Variants in CTNNA2 observed in about 807,000 individuals in gnomAD.
CTNNA2 encodes catenin alpha 2, also known as catenin alpha-2.
A neutral mutation model predicts 101.0 loss-of-function variants in CTNNA2; 42 were observed. The ratio of observed to expected loss-of-function variants is 0.42; its 90% confidence interval spans 0.32 to 0.54. CTNNA2 has a LOEUF of 0.54. Among genes scored for constraint, CTNNA2 ranks in the 20% least tolerant of loss-of-function variants. The pLI is 0.14. For missense variants in CTNNA2, 871 were observed against 1,223.1 expected, an observed-to-expected ratio of 0.71 and a Z score of 4.29; for synonymous variants, 450 against 456.4, an observed-to-expected ratio of 0.99 and a Z score of 0.18.
chr2:79,950,870 T>C (rs1688832274), intron 7 of CTNNA2, among the ~76,000 whole-genome samples: 1 of 152,148 alleles, frequency 6.6e-6, no homozygotes, highest in Admixed American at 6.5e-5. Flanking sequence ...GGTGTTTGGG[T>C]TGCACTGCGC....
chr2:80,078,790 C>T (rs1317536956), intron 7 of CTNNA2, among the ~76,000 whole-genome samples: 1 of 152,128 alleles, frequency 6.6e-6, no homozygotes, highest in African/African-American at 2.4e-5. Flanking sequence ...ATTTGGTGCT[C>T]AGCCCTTACC....
At chr2:80,339,523 C>CA (rs1381667369) in intron 7 of CTNNA2, among the ~76,000 whole-genome samples, 1 of 152,274 alleles carries the variant, frequency 6.6e-6, no homozygotes, top group East Asian at 1.9e-4. Flanking sequence ...AATCTTATCC[C>CA]AGCTATGCAG....
At chr2:80,271,262 G>T (rs1673445484) in intron 7 of CTNNA2, among the ~76,000 whole-genome samples, 1 of 152,166 alleles carries the variant, frequency 6.6e-6, no homozygotes, top group African/African-American at 2.4e-5. Context: ...TGGTGATAGT[G>T]ATATTAGGTT....
At chr2:80,402,816 A>C (rs1429591446) in intron 8 of CTNNA2, among the ~76,000 whole-genome samples, 1 of 148,142 alleles carries the variant, frequency 6.8e-6, no homozygotes, top group Non-Finnish European at 1.5e-5. Context: ...ATATAATTCT[A>C]TATATTTATA....
At chr2:80,263,945 G>T (rs1030845548) in intron 7 of CTNNA2, among the ~76,000 whole-genome samples, 1 of 152,112 alleles carries the variant, frequency 6.6e-6, no homozygotes, top group Admixed American at 6.5e-5. Flanking sequence ...CCATACTTAG[G>T]CTTATTAAAG....
intron 7 of CTNNA2, among the ~76,000 whole-genome samples, chr2:80,263,164 C>A (rs1672746360): frequency 6.6e-6 from 1 of 152,084 alleles, no homozygotes; most frequent in Non-Finnish European, 1.5e-5. Context: ...GATGTCCTTA[C>A]TGATTTTTAT....
intron 2 of CTNNA2, among the ~76,000 whole-genome samples, chr2:79,249,024 C>T (rs764526329): frequency 3.9e-5 from 6 of 152,170 alleles, no homozygotes; most frequent in Non-Finnish European, 7.3e-5. Flanking sequence ...GTTAATTTCA[C>T]AGGCTTTGGA....
chr2:80,584,037 G>A (rs1695761447), intron 14 of CTNNA2, among the ~76,000 whole-genome samples: 1 of 152,098 alleles, frequency 6.6e-6, no homozygotes, highest in Admixed American at 6.5e-5. Context: ...ATTATATGAT[G>A]ACAAATCAGA....
intron 9 of CTNNA2, among the ~76,000 whole-genome samples, chr2:80,534,428 G>A (rs935495371): frequency 6.6e-6 from 1 of 152,186 alleles, no homozygotes; most frequent in Non-Finnish European, 1.5e-5. Context: ...TCCTATGTAT[G>A]ACTAAGTTAT....
intron 7 of CTNNA2, among the ~76,000 whole-genome samples, chr2:80,030,167 G>A (rs181159859): frequency 6.0e-5 from 9 of 151,140 alleles, no homozygotes; most frequent in Non-Finnish European, 1.2e-4. Flanking sequence ...AAGATCTTCA[G>A]TTAATCATCT....
At chr2:79,787,034 C>G (rs1674897755) in intron 3 of CTNNA2, among the ~76,000 whole-genome samples, 2 of 152,058 alleles carry the variant, frequency 1.3e-5, no homozygotes, top group South Asian at 4.1e-4. Context: ...TCACTCATTC[C>G]TGCCTCTGTG....
At chr2:80,623,078 A>G (rs960176299) in intron 18 of CTNNA2, among the ~76,000 whole-genome samples, 1 of 149,610 alleles carries the variant, frequency 6.7e-6, no homozygotes, top group Non-Finnish European at 1.5e-5. Flanking sequence ...GTTCAAGCAG[A>G]AGTTAGATTA....
intron 9 of CTNNA2, among the ~76,000 whole-genome samples, chr2:80,426,893 C>A (rs1181216142): frequency 6.6e-6 from 1 of 152,038 alleles, no homozygotes; most frequent in Non-Finnish European, 1.5e-5. Context: ...AGGCATTGTT[C>A]AGCTTTCAGC....
intron 8 of CTNNA2, among the ~76,000 whole-genome samples, chr2:80,418,846 ATTTGGGCTTG>A (rs1237600818): frequency 6.6e-6 from 1 of 152,204 alleles, no homozygotes; most frequent in Non-Finnish European, 1.5e-5. Context: ...TTGTTAGAAG[ATTTGGGCTTG>A]TTTATTCTCA....
At chr2:80,288,729 A>AT (rs2149173645) in intron 7 of CTNNA2, 1 of 152,292 alleles carries the variant, frequency 6.6e-6, no homozygotes, top group Non-Finnish European at 1.5e-5. Flanking sequence ...TTGGAGCTCG[A>AT]TTTTTCTTCT....
intron 3 of CTNNA2, among the ~76,000 whole-genome samples, chr2:79,792,229 A>G (rs1343312576): frequency 6.6e-6 from 1 of 152,168 alleles, no homozygotes; most frequent in African/African-American, 2.4e-5. Flanking sequence ...GAGCAGAGGC[A>G]CTGGGTACTC....
At chr2:80,026,646 A>AT (rs1249596623) in intron 7 of CTNNA2, among the ~76,000 whole-genome samples, 5 of 152,008 alleles carry the variant, frequency 3.3e-5, no homozygotes, top group Admixed American at 6.5e-5. Context: ...ATTAGCTTTA[A>AT]TTTTTTTTAT....
intron 7 of CTNNA2, among the ~76,000 whole-genome samples, chr2:79,996,142 G>C (rs17018384): frequency 0.22 from 33,137 of 152,140 alleles, 4,713 homozygotes; most frequent in African/African-American, 0.4. Flanking sequence ...TTACTGTTAT[G>C]TCTTAATAAA....
chr2:80,365,919 C>T (rs1442605859), intron 7 of CTNNA2, among the ~76,000 whole-genome samples: 1 of 152,112 alleles, frequency 6.6e-6, no homozygotes, highest in Non-Finnish European at 1.5e-5. Flanking sequence ...TATGCTTGCC[C>T]CTCGGGGCCT....
Sources: allele counts gnomAD v4.1 joint callset (sites outside exome capture counted in the v4.1 genomes callset), GRCh38; gene constraint gnomAD v4.1.1; transcripts MANE v1.5; gene names NCBI Gene and HGNC (gene_info 2026-07-23, HGNC 2026-07-21).